Variants in STRC observed in about 807,000 individuals in gnomAD.
STRC encodes stereocilin.
STRC carries 43 observed loss-of-function variants against 103.5 expected under a neutral mutation model. That is an observed-to-expected ratio of 0.42 (90% CI 0.33 to 0.54). STRC has a LOEUF of 0.54. Ranked by LOEUF, STRC falls within the 20% of genes least tolerant of loss-of-function variation. STRC has a pLI of 0.14. For synonymous variants in STRC, 186 were observed against 442.3 expected, an observed-to-expected ratio of 0.42 and a Z score of 7.27; for missense variants, 499 against 1,088.5, an observed-to-expected ratio of 0.46 and a Z score of 7.62.
At chr15:43,600,799 T>C in intron 25 of STRC, 73 bp downstream of exon 25, 1 of 1,613,344 alleles carries the variant, frequency 6.2e-7, no homozygotes, top group East Asian at 2.2e-5. Context: ...GGACCAGACC[T>C]TCATGATCCT....
At chr15:43,600,439 C>A in intron 26 of STRC, 95 bp downstream of exon 26, 1 of 1,590,534 alleles carries the variant, frequency 6.3e-7, no homozygotes, top group Non-Finnish European at 8.6e-7. Context: ...CACCCTCAGG[C>A]CCCCACCTTA....
At position 43,604,811 on chromosome 15, in the gene STRC, C is replaced by T. The variant is rs1452683393; in HGVS notation, c.3966G>A (p.Leu1322=). The change falls in exon 20 of 29, where the codon CTG becomes CTA. Residue 1322 remains leucine (L), a synonymous_variant. Transcript: ENST00000450892. ...ATCCAACCAAAGGGCCTAAGGTCTCCAGCACTTCCCCTGAGACTGGAGTCT... is the reference window on the plus strand; with the variant it reads ...ATCCAACCAAAGGGCCTAAGGTCTCTAGCACTTCCCCTGAGACTGGAGTCT... ...PKETPVSGEV[L]ETLGPLVGFL... 8 of 1,612,748 alleles carry T rather than the reference C, an allele frequency of 5.0e-6. No homozygotes were observed. The highest frequency in any genetic ancestry group is 6.8e-6 in the Non-Finnish European group (8 of 1,179,370).
chr15:43,603,552 ATATG>A, intron 22 of STRC, 141 bp from the exon 23 acceptor site: 1 of 938,730 alleles, frequency 1.1e-6, no homozygotes, highest in Non-Finnish European at 1.7e-6. Context: ...TTACAGAGTA[ATATG>A]TATAGGGCTT....
chr15:43,603,475 G>A (rs2085688847), intron 22 of STRC, 64 bp from the exon 23 acceptor site: 2 of 1,538,994 alleles, frequency 1.3e-6, no homozygotes, highest in Admixed American at 1.7e-5. Context: ...AGAGATATCT[G>A]TAGATAGAGT....
chr15:43,604,747 T>C lies in STRC; in HGVS notation c.4030A>G (p.Ile1344Val). 1 of 1,613,514 alleles carries C rather than the reference T, an allele frequency of 6.2e-7. No individual in the cohort carries two copies. Among genetic ancestry groups the C allele is most frequent in the Non-Finnish European group, 8.5e-7 (1 of 1,179,676 alleles). The stretch of plus-strand genomic sequence containing the variant: ...AGCTGACTGAGATGGGACAGCAGGA[T>C]CTGTAGGGGGATCTGTCGTGTGCTC... ...TESTRQIPLQILLSHLSQLQG... is the reference protein window; with the variant it reads ...TESTRQIPLQVLLSHLSQLQG... The change falls in exon 20 of 29, where the codon ATC becomes GTC. Residue 1344 changes from isoleucine to valine, a missense_variant. By Grantham distance (29) the Ile-to-Val change is conservative. Coordinates refer to ENST00000450892, the MANE Select transcript of STRC (RefSeq NM_153700.2).
chr15:43,606,610 A>G (rs2085712122), intron 18 of STRC, among the ~76,000 whole-genome samples: 1 of 139,610 alleles, frequency 7.2e-6, no homozygotes, highest in South Asian at 2.4e-4. Context: ...AAAAATATAA[A>G]TAAATAAACA....
intron 18 of STRC, among the ~76,000 whole-genome samples, chr15:43,606,630 A>G (rs2085712274): frequency 7.7e-6 from 1 of 129,390 alleles, no homozygotes; most frequent in Non-Finnish European, 1.6e-5. Flanking sequence ...AAATAAATAA[A>G]TAAATCCCTT....
At chr15:43,601,070 A>G in intron 24 of STRC, 56 bp from the exon 25 acceptor site, 3 of 1,264,750 alleles carry the variant, frequency 2.4e-6, no homozygotes, top group Non-Finnish European at 3.4e-6. Context: ...GAATTAATGG[A>G]CAGGGAAGTG....
intron 23 of STRC, 197 bp from the exon 24 acceptor site, chr15:43,601,748 T>C: frequency 1.7e-6 from 1 of 604,046 alleles, no homozygotes; most frequent in Non-Finnish European, 2.9e-6. Flanking sequence ...TTACAATCAG[T>C]GGAAAAGAAG....
In STRC at chr15:43,611,000, TTGTG is replaced by T. The variant is rs3987784; in HGVS notation, c.3307-20_3307-17del. ...CATCTTTAACCTGCATGAGAATTGG[TTGTG>T]TGTGTGTGTGTGTGTGTGTGTGTGT... On this transcript the variant is annotated splice_polypyrimidine_tract_variant and intron_variant, in intron 13 of 28. Transcript: ENST00000450892. 0.012 allele frequency: 18,448 copies of T among 1,530,774 alleles called. 76 individuals are homozygous for T. Among genetic ancestry groups the T allele is most frequent in the East Asian group, 0.051 (2,118 of 41,362 alleles). The allele number at this position is 1,530,774 out of a possible 1,614,324, so 94.8% of individuals were successfully genotyped here. A position where few individuals can be genotyped will look rare whatever the true frequency, so the allele number is the denominator to read the frequency against.
chr15:43,600,437 G>A, intron 26 of STRC, 97 bp downstream of exon 26: 3 of 1,589,148 alleles, frequency 1.9e-6, no homozygotes, highest in Non-Finnish European at 2.6e-6. Flanking sequence ...AACACCCTCA[G>A]GCCCCCACCT....
At chr15:43,601,877 T>C (rs1171960842) in intron 23 of STRC, among the ~76,000 whole-genome samples, 1 of 151,734 alleles carries the variant, frequency 6.6e-6, no homozygotes, top group Non-Finnish European at 1.5e-5. Flanking sequence ...CCCAGCACTT[T>C]GGGAGGCTGA....
At position 43,603,276 on chromosome 15, in the gene STRC, TC is replaced by T. The variant is rs759816064; in HGVS notation, c.4510del (p.Glu1504ArgfsTer32). 36 of 1,613,662 alleles carry T rather than the reference TC, an allele frequency of 2.2e-5. 1 individual carries two copies. In the Middle Eastern group the frequency reaches 6.6e-4, roughly 30 times the overall value. ...LFAGDPGLGP[E>X]ELRAAMGKAK... ...TTTGCCCATGGCTGCCCGCAGTTCC[TC>T]AGGCCCAAGTCCTGGGTCTCCTGCA... On this transcript the variant is annotated frameshift_variant, in exon 23 of 29. Transcript: ENST00000450892. LOFTEE classifies it high-confidence loss of function.
At chr15:43,603,135 T>C (rs1302212769) in intron 23 of STRC, 107 bp downstream of exon 23, 1 of 1,225,096 alleles carries the variant, frequency 8.2e-7, no homozygotes, top group African/African-American at 1.5e-5. Context: ...AACTCTTCTA[T>C]CTCTTGCTTC....
rs376104748 is a variant in STRC, at chr15:43,604,408, G to C, written c.4171C>G (p.Arg1391Gly). 7.6e-5 allele frequency: 120 copies of C among 1,587,048 alleles called. 2 individuals are homozygous for C. Among genetic ancestry groups the C allele is most frequent in the Admixed American group, 1.8e-5 (1 of 56,698 alleles). Residue 1391 changes from arginine (R) to glycine (G), a missense_variant, in exon 21 of 29, where the codon CGC (arginine) becomes GGC (glycine). Arg to Gly is a moderately radical substitution (Grantham distance 125). Transcript: ENST00000450892. ...WSQDEVEQAG[R>G]LVFTLSTEAI... ...TCAGTAGACAGAGTGAATACTAGGCGTCCAGCTTGCTCTACTTCATCCTGG... is the reference window on the plus strand; with the variant it reads ...TCAGTAGACAGAGTGAATACTAGGCCTCCAGCTTGCTCTACTTCATCCTGG...
Position 43,604,784 on chromosome 15 carries a change from G to A in STRC, c.3993C>T (p.Phe1331=). The A allele has an allele frequency of 6.2e-7, 1 of 1,613,414 alleles. No individual in the cohort carries two copies. Among genetic ancestry groups the A allele is most frequent in the Non-Finnish European group, 8.5e-7 (1 of 1,179,640 alleles). The part of the protein sequence containing the change: ...VLETLGPLVG[F]LGTESTRQIP... ...TCTGTCGTGTGCTCTCTGTCCCCAGGAATCCAACCAAAGGGCCTAAGGTCT... is the reference window on the plus strand; with the variant it reads ...TCTGTCGTGTGCTCTCTGTCCCCAGAAATCCAACCAAAGGGCCTAAGGTCT... The change falls in exon 20 of 29, where the codon TTC becomes TTT. Residue 1331 remains phenylalanine, a synonymous_variant. Transcript: ENST00000450892.
chr15:43,606,898 A>T (rs1200398543), intron 18 of STRC, among the ~76,000 whole-genome samples: 1 of 90,610 alleles, frequency 1.1e-5, no homozygotes, highest in Non-Finnish European at 2.2e-5. Context: ...TACTCGGGAG[A>T]CTGAGGCAGG....
rs2085653336 is a variant in STRC, at chr15:43,600,099, A to G, written c.5100T>C (p.Phe1700=). The change falls in exon 28 of 29, where the codon TTT becomes TTC. Residue 1700 remains phenylalanine, a synonymous_variant. Transcript: ENST00000450892. ...TGAGACTAGATAGTTGGATGGGACT[A>G]AACACCACCTGAGGGCAGGGGTAGG... ...VIPPPKFAVV[F]SPIQLSSLTS... is the part of the protein sequence containing the mutation. 1.9e-6 allele frequency: 3 copies of G among 1,612,898 alleles called. No individual in the cohort carries two copies. The highest frequency in any genetic ancestry group is 4.5e-5 in the East Asian group (2 of 44,834).
chr15:43,605,089 A>G (rs919757811), intron 19 of STRC, 175 bp downstream of exon 19: 1 of 1,225,846 alleles, frequency 8.2e-7, no homozygotes, highest in Non-Finnish European at 1.2e-6. Context: ...AACGTGAAGC[A>G]TATTATCAAG....
Sources: allele counts gnomAD v4.1 joint callset (sites outside exome capture counted in the v4.1 genomes callset), GRCh38; gene constraint gnomAD v4.1.1; transcripts MANE v1.5; gene names NCBI Gene and HGNC (gene_info 2026-07-23, HGNC 2026-07-21).